The following SLC24A2 variants were observed in gnomAD, a reference collection of about 807,000 sequenced individuals.
The protein encoded by SLC24A2 is sodium/potassium/calcium exchanger 2.
In SLC24A2, 36 loss-of-function variants were observed where a neutral mutation model predicts 62.0. That is an observed-to-expected ratio of 0.58 (90% confidence interval 0.44 to 0.77). The LOEUF is 0.77. Ranked by LOEUF, SLC24A2 falls within the 30% of genes least tolerant of loss-of-function variation. The probability of loss-of-function intolerance (pLI) is 0.00; values close to 1 mark genes in which losing one functional copy is unlikely to be tolerated. For synonymous variants in SLC24A2, 358 were observed against 294.0 expected (o/e 1.22, Z -2.23); for missense variants, 846 against 817.9 (o/e 1.03, Z -0.42).
chr9:19,868,244 G>C, the SLC24A2 span, among the ~76,000 whole-genome samples: 2 of 151,688 alleles, frequency 1.3e-5, no homozygotes, highest in Non-Finnish European at 2.9e-5. Context: ...TTTTTTTCTT[G>C]TGATTTATTC....
rs1301014152 is a variant in SLC24A2 at position 19,758,861 on chromosome 9, G to A, written c.930+27076C>T. 5.3e-5 allele frequency among the ~76,000 whole-genome samples: 8 copies of A among 152,140 alleles called. No individual in the cohort carries two copies. In the South Asian group the frequency reaches 8.3e-4, roughly 16 times the overall value. On this transcript the variant is annotated intron_variant, in intron 2 of 10. Transcript: ENST00000341998. ...CCTGCTAATCAGAAAGTTGGAGCTA[G>A]AACACATTCTCTTGTTCTACTAAGG...
chr9:20,263,264 TG>T, the SLC24A2 span, among the ~76,000 whole-genome samples: 1 of 151,926 alleles, frequency 6.6e-6, no homozygotes, highest in Non-Finnish European at 1.5e-5. Flanking sequence ...TTGGTGGAGG[TG>T]GGGGTGAGAC....
At chr9:20,246,000 C>T in the SLC24A2 span, among the ~76,000 whole-genome samples, 1 of 152,078 alleles carries the variant, frequency 6.6e-6, no homozygotes, top group Non-Finnish European at 1.5e-5. Flanking sequence ...CACAGGCTGT[C>T]CAACGTCCCC....
chr9:19,868,872 G>A, the SLC24A2 span, among the ~76,000 whole-genome samples: 1 of 151,816 alleles, frequency 6.6e-6, no homozygotes, highest in East Asian at 1.9e-4. Flanking sequence ...AATGAAATAT[G>A]TGTCACTTTC....
the SLC24A2 span, among the ~76,000 whole-genome samples, chr9:20,060,384 T>A: frequency 2.0e-5 from 3 of 151,646 alleles, no homozygotes; most frequent in African/African-American, 7.2e-5. Context: ...CTCATAAACA[T>A]AGATGCAAAA....
chr9:20,063,660 A>G, the SLC24A2 span, among the ~76,000 whole-genome samples: 2 of 152,172 alleles, frequency 1.3e-5, no homozygotes, highest in East Asian at 1.9e-4. Flanking sequence ...AAATAAAAAT[A>G]AAAGACTTGT....
At chr9:19,874,402 T>C in the SLC24A2 span, among the ~76,000 whole-genome samples, 2 of 152,202 alleles carry the variant, frequency 1.3e-5, no homozygotes, top group Non-Finnish European at 2.9e-5. Flanking sequence ...TTATTTTTCA[T>C]CTAAATATAA....
the SLC24A2 span, among the ~76,000 whole-genome samples, chr9:20,002,138 CAG>C: frequency 6.6e-6 from 1 of 152,150 alleles, no homozygotes; most frequent in Admixed American, 6.5e-5. Context: ...ACCTCTGGTG[CAG>C]AGACAAGCAT....
the SLC24A2 span, among the ~76,000 whole-genome samples, chr9:20,256,857 T>G: frequency 6.6e-6 from 1 of 151,934 alleles, no homozygotes; most frequent in South Asian, 2.1e-4. Context: ...GAGCATGAAA[T>G]AGTCCCCAAG....
chr9:20,238,054 G>A, the SLC24A2 span, among the ~76,000 whole-genome samples: 15 of 152,190 alleles, frequency 9.9e-5, no homozygotes, highest in Non-Finnish European at 1.8e-4. Flanking sequence ...CTCAGAAGAC[G>A]TAAGGACCCT....
At chr9:19,997,401 A>C in the SLC24A2 span, among the ~76,000 whole-genome samples, 2 of 152,206 alleles carry the variant, frequency 1.3e-5, no homozygotes, top group African/African-American at 4.8e-5. Context: ...TGACTTTCAT[A>C]TGGAAGTGGA....
At chr9:19,554,869 T>A (rs1415079819) in intron 7 of SLC24A2, among the ~76,000 whole-genome samples, 2 of 152,110 alleles carry the variant, frequency 1.3e-5, no homozygotes, top group Non-Finnish European at 2.9e-5. Context: ...TGAGAGATAA[T>A]CAGAAACTGA....
At chr9:19,648,619 A>G (rs1352150734) in intron 2 of SLC24A2, among the ~76,000 whole-genome samples, 1 of 152,194 alleles carries the variant, frequency 6.6e-6, no homozygotes, top group Non-Finnish European at 1.5e-5. Flanking sequence ...CTATTTTTAA[A>G]TGGGAATTAG....
chr9:19,892,432 CTT>C, the SLC24A2 span, among the ~76,000 whole-genome samples: 1 of 152,236 alleles, frequency 6.6e-6, no homozygotes, highest in African/African-American at 2.4e-5. Flanking sequence ...CTTTGTCTCT[CTT>C]GTTCTTCACA....
chr9:20,147,027 C>A, the SLC24A2 span, among the ~76,000 whole-genome samples: 4 of 152,194 alleles, frequency 2.6e-5, no homozygotes, highest in Non-Finnish European at 4.4e-5. Context: ...TAACGTACAA[C>A]CCCCTATGAG....
the SLC24A2 span, among the ~76,000 whole-genome samples, chr9:19,864,068 A>G: frequency 5.9e-5 from 9 of 152,058 alleles, no homozygotes; most frequent in Non-Finnish European, 8.8e-5. Context: ...ATGCCAATAA[A>G]CTGGAAAATC....
intron 2 of SLC24A2, among the ~76,000 whole-genome samples, chr9:19,697,842 T>C (rs1820237324): frequency 6.6e-6 from 1 of 152,178 alleles, no homozygotes; most frequent in African/African-American, 2.4e-5. Flanking sequence ...TTTTTTGATA[T>C]GGTGGCAAAG....
chr9:20,176,027 TGAGA>T, the SLC24A2 span, among the ~76,000 whole-genome samples: 1 of 151,880 alleles, frequency 6.6e-6, no homozygotes, highest in African/African-American at 2.4e-5. Flanking sequence ...GAGGACCCGG[TGAGA>T]GAGAAATAGA....
At chr9:19,618,377 A>G (rs1169864004) in intron 4 of SLC24A2, among the ~76,000 whole-genome samples, 1 of 152,238 alleles carries the variant, frequency 6.6e-6, no homozygotes, top group Non-Finnish European at 1.5e-5. Context: ...AATTACCTCT[A>G]GTAAACAGAT....
Sources: gnomAD v4.1 joint callset for allele counts (sites outside exome capture counted in the v4.1 genomes callset) on GRCh38, gnomAD v4.1.1 for gene constraint, MANE v1.5 for transcripts, NCBI Gene and HGNC (gene_info 2026-07-23, HGNC 2026-07-21) for gene names.